The following CEP126 variants were observed in gnomAD, a reference collection of about 807,000 sequenced individuals.
CEP126 encodes centrosomal protein 126.
CEP126 carries 74 observed loss-of-function variants against 107.8 expected under a neutral mutation model. The ratio of observed to expected loss-of-function variants is 0.69; its 90% CI spans 0.57 to 0.83. CEP126 has a LOEUF of 0.83. CEP126 is among the 40% of genes least tolerant of loss of function. The probability of loss-of-function intolerance (pLI) is 0.00; values close to 1 mark genes in which losing one functional copy is unlikely to be tolerated. For missense variants in CEP126, 1,237 were observed against 1,281.9 expected (o/e 0.96, Z 0.53); for synonymous variants, 449 against 446.0 (o/e 1.01, Z -0.08).
chr11:101,961,696 T>C, intron 5 of CEP126, 45 bp from the exon 6 acceptor site: 1 of 1,119,246 alleles, frequency 8.9e-7, no homozygotes, highest in Non-Finnish European at 1.3e-6. Context: ...AATCTTGGCA[T>C]TTAAAAGTTT....
At chr11:101,969,515 A>G (rs145534572) in intron 6 of CEP126, among the ~76,000 whole-genome samples, 4 of 152,348 alleles carry the variant, frequency 2.6e-5, no homozygotes, top group Admixed American at 6.5e-5. Flanking sequence ...TGCCATGTTC[A>G]TGGATTGGAA....
chr11:101,980,374 A>C (rs1172938670), intron 7 of CEP126, among the ~76,000 whole-genome samples: 2 of 152,218 alleles, frequency 1.3e-5, no homozygotes, highest in Admixed American at 6.5e-5. Context: ...CCAAGGAAAC[A>C]AACAAACAAA....
intron 2 of CEP126, among the ~76,000 whole-genome samples, chr11:101,943,635 G>A (rs747478444): frequency 2.4e-4 from 36 of 151,862 alleles, no homozygotes; most frequent in Non-Finnish European, 4.0e-4. Flanking sequence ...AGTGTCTGGG[G>A]GCAATCAGAA....
intron 3 of CEP126, among the ~76,000 whole-genome samples, chr11:101,947,149 T>C (rs919215382): frequency 6.6e-6 from 1 of 152,174 alleles, no homozygotes; most frequent in East Asian, 1.9e-4. Flanking sequence ...ATTGTAATAA[T>C]GGAAAAGTTT....
At position 101,998,592 on chromosome 11, in the gene CEP126, C is replaced by CAAAACAAAAAA. The variant is rs1941470608; in HGVS notation, c.*953_*954insCAAAAAAAAAA. Reference sequence around the variant, plus strand: ...TGGGTGACAGTGTGAGACCCAGCCTCAAAAAAAAAAAAAAAAAAGTGATGA... The same window carrying CAAAACAAAAAA: ...TGGGTGACAGTGTGAGACCCAGCCTCAAAACAAAAAAAAAAAAAAAAAAAAAAAAGTGATGA... On this transcript the variant is annotated 3_prime_UTR_variant, in exon 11 of 11. Transcript: ENST00000263468. 1.7e-5 allele frequency: 1 copy of CAAAACAAAAAA among 57,452 alleles called. No individual in the cohort carries two copies. The highest frequency in any genetic ancestry group is 2.8e-5 in the Non-Finnish European group (1 of 35,588). The allele number at this position is 57,452 out of a possible 1,614,324, so 3.6% of individuals were successfully genotyped here. A position where few individuals can be genotyped will look rare whatever the true frequency, so the allele number is the denominator to read the frequency against.
intron 6 of CEP126, among the ~76,000 whole-genome samples, chr11:101,973,296 A>T (rs973539056): frequency 1.3e-5 from 2 of 152,212 alleles, no homozygotes; most frequent in Admixed American, 1.3e-4. Flanking sequence ...AATGGTTTCT[A>T]ATTATGTGGT....
At chr11:101,978,186 T>A (rs1941214630) in intron 6 of CEP126, among the ~76,000 whole-genome samples, 161 bp from the exon 7 acceptor site, 1 of 152,192 alleles carries the variant, frequency 6.6e-6, no homozygotes, top group Admixed American at 6.5e-5. Context: ...AACTGTGCCA[T>A]GCTTAGAGCA....
At chr11:101,970,423 TGAG>T (rs1252390451) in intron 6 of CEP126, among the ~76,000 whole-genome samples, 1 of 152,048 alleles carries the variant, frequency 6.6e-6, no homozygotes, top group Admixed American at 6.5e-5. Context: ...AAACAGGTAA[TGAG>T]GGGAGCATTT....
chr11:101,955,748 C>A, intron 4 of CEP126: 1 of 383,464 alleles, frequency 2.6e-6, no homozygotes, highest in South Asian at 2.0e-5. Context: ...CTTAATAAGG[C>A]TGTCTCTCTG....
intron 2 of CEP126, among the ~76,000 whole-genome samples, chr11:101,927,437 T>A (rs182061224): frequency 6.6e-6 from 1 of 152,304 alleles, no homozygotes; most frequent in Non-Finnish European, 1.5e-5. Flanking sequence ...AATGATAACA[T>A]CTTGCAAAAC....
rs182839978 is a variant in CEP126 at position 101,929,239 on chromosome 11, C to T, written c.248+6479C>T. ...GTGGCATATGTTGATTGTCTTTTTTCGCTAAGTTTGAGACTTTCCTGGTTC... is the reference window on the plus strand; with the variant it reads ...GTGGCATATGTTGATTGTCTTTTTTTGCTAAGTTTGAGACTTTCCTGGTTC... On this transcript the variant is annotated intron_variant, in intron 2 of 10. Coordinates refer to ENST00000263468, the MANE Select transcript of CEP126 (RefSeq NM_020802.4). Among the ~76,000 whole-genome samples the T allele has an allele frequency of 6.6e-5, 10 of 152,144 alleles. No individual in the cohort carries two copies. In the East Asian group the frequency reaches 1.5e-3, roughly 23 times the overall value.
At chr11:101,970,887 G>A (rs1591288863) in intron 6 of CEP126, among the ~76,000 whole-genome samples, 2 of 152,292 alleles carry the variant, frequency 1.3e-5, no homozygotes, top group African/African-American at 4.8e-5. Context: ...ATAATTGACT[G>A]TATAAATTGC....
At chr11:101,985,436 C>G (rs545685094) in intron 8 of CEP126, among the ~76,000 whole-genome samples, 1 of 151,934 alleles carries the variant, frequency 6.6e-6, no homozygotes, top group African/African-American at 2.4e-5. Flanking sequence ...GCGTATGCCA[C>G]CATACCTGGG....
At chr11:101,952,185 T>A (rs953640765) in intron 4 of CEP126, among the ~76,000 whole-genome samples, 1 of 152,086 alleles carries the variant, frequency 6.6e-6, no homozygotes, top group African/African-American at 2.4e-5. Flanking sequence ...AAAGGCATGT[T>A]GTGTTAAGGG....
intron 6 of CEP126, among the ~76,000 whole-genome samples, 196 bp downstream of exon 6, chr11:101,964,076 C>T (rs538583145): frequency 1.5e-4 from 23 of 152,054 alleles, no homozygotes; most frequent in African/African-American, 5.3e-4. Context: ...GAGGCCCAGG[C>T]GGGCGGATCA....
At position 101,961,974 on chromosome 11, in the gene CEP126, T is replaced by G. The variant is rs767629543; in HGVS notation, c.939T>G (p.Leu313=). The change falls in exon 6 of 11, where the codon CTT becomes CTG. Residue 313 remains leucine (L), a synonymous_variant. Transcript: ENST00000263468. ...AAACTCAACATATAAATAATTGGCT[T>G]ACAAATTTAGATGCTTCAAATACTC... ...FSKTQHINNW[L]TNLDASNTQN... The G allele has an allele frequency of 1.2e-6, 2 of 1,611,232 alleles. No homozygotes were observed.
chr11:101,997,975 G>C lies in CEP126; in HGVS notation c.*332G>C, dbSNP rs1941462269. 2 of 218,396 alleles carry C rather than the reference G, an allele frequency of 9.2e-6. No homozygotes were observed. The highest frequency in any genetic ancestry group is 1.8e-5 in the Non-Finnish European group (2 of 111,284). 13.5% of individuals were successfully genotyped at this position (218,396 alleles called of 1,614,324 possible). A position where few individuals can be genotyped will look rare whatever the true frequency, so the allele number is the denominator to read the frequency against. On this transcript the variant is annotated 3_prime_UTR_variant, in exon 11 of 11. Transcript: ENST00000263468. ...TCCAAAGAATTCACAGTGCTCCTTT[G>C]CAATTTATAGATTTCATGTTGAAAT... is the stretch of plus-strand genomic sequence containing the variant.
chr11:101,995,923 T>A (rs1236954483), intron 10 of CEP126, among the ~76,000 whole-genome samples: 1 of 152,206 alleles, frequency 6.6e-6, no homozygotes, highest in African/African-American at 2.4e-5. Context: ...TAAAAATACA[T>A]CATGAGCACA....
At position 101,976,128 on chromosome 11, in the gene CEP126, C is replaced by T. The variant is rs183112026; in HGVS notation, c.2846-2219C>T. Among the ~76,000 whole-genome samples the T allele has an allele frequency of 8.5e-5, 13 of 152,278 alleles. No homozygotes were observed. The East Asian group carries it at 2.5e-3, about 29-fold the overall frequency. The stretch of plus-strand genomic sequence containing the variant: ...GGGATTTCTGGGTTGATGGGTACTT[C>T]TGTTTTAAGTTCTTTGAGAAATCGC... On this transcript the variant is annotated intron_variant, in intron 6 of 10. Coordinates refer to ENST00000263468, the MANE Select transcript of CEP126 (RefSeq NM_020802.4).
Sources: allele counts gnomAD v4.1 joint callset (sites outside exome capture counted in the v4.1 genomes callset), GRCh38; gene constraint gnomAD v4.1.1; transcripts MANE v1.5; gene names NCBI Gene and HGNC (gene_info 2026-07-23, HGNC 2026-07-21).